ITIH6: variants seen among roughly 807,000 people sequenced by gnomAD.
ITIH6 encodes the protein inter-alpha-trypsin inhibitor heavy chain family member 6, also known as inter-alpha-trypsin inhibitor heavy chain H6.
Under a neutral mutation model 58.2 loss-of-function variants are expected in ITIH6, and 60 were observed. The ratio of observed to expected loss-of-function variants is 1.03; its 90% CI spans 0.84 to 1.28. The LOEUF (loss-of-function observed/expected upper bound fraction) is 1.28. Ranked by LOEUF, ITIH6 falls within the 50% of genes most tolerant of loss-of-function variation. ITIH6 has a pLI of 0.00. For missense variants in ITIH6, 1,290 were observed against 1,021.1 expected (o/e 1.26, Z -3.59); for synonymous variants, 493 against 417.4 (o/e 1.18, Z -2.21).
intron 6 of ITIH6, among the ~76,000 whole-genome samples, chrX:54,764,677 G>T (rs2147606518): frequency 1.1e-5 from 1 of 94,900 alleles, no homozygotes; most frequent in African/African-American, 3.9e-5. Context: ...CATTTGGGTT[G>T]GTTCCAAGTC....
rs760704628 is a variant in ITIH6 at position 54,753,499 on chromosome X, T to A, written c.3352+152A>T. ...GTGTTTGAGTGTATTCATGTGTGTT[T>A]TTTTGTGTGTCTTGGTGTGTTCTTG... On this transcript the variant is annotated intron_variant, in intron 11 of 12. Coordinates refer to ENST00000218436, the MANE Select transcript of ITIH6 (RefSeq NM_198510.3). 291 of 426,156 alleles carry A rather than the reference T, an allele frequency of 6.8e-4. 2 individuals are homozygous for A. The East Asian group carries it at 0.011, about 16-fold the overall frequency. 35.1% of individuals were successfully genotyped at this position (426,156 alleles called of 1,213,427 possible).
intron 6 of ITIH6, among the ~76,000 whole-genome samples, chrX:54,765,343 T>C (rs1313351404): frequency 1.4e-5 from 1 of 72,316 alleles, no homozygotes; most frequent in African/African-American, 5.3e-5. Flanking sequence ...CCCACGCCTA[T>C]GTCCTGAATG....
chrX:54,780,595 C>A (rs967396513), intron 5 of ITIH6, among the ~76,000 whole-genome samples: 4 of 111,366 alleles, frequency 3.6e-5, no homozygotes, highest in Non-Finnish European at 7.6e-5. Flanking sequence ...CATAATGATG[C>A]ATCTTAAGGA....
chrX:54,790,737 C>G lies in ITIH6; in HGVS notation c.616+100G>C, dbSNP rs17002372. 0.016 allele frequency: 16,132 copies of G among 1,039,853 alleles called. 1,487 individuals are homozygous for G. In the African/African-American group the frequency reaches 0.26, roughly 17 times the overall value. 85.7% of individuals were successfully genotyped at this position (1,039,853 alleles called of 1,213,427 possible). A position where few individuals can be genotyped will look rare whatever the true frequency, so the allele number is the denominator to read the frequency against. ...TCAGGAAGGAACTTGGCAGTGAGTA[C>G]AGAGCAGAAGTGGCACTAGAGGGAA... is the stretch of plus-strand genomic sequence containing the variant. On this transcript the variant is annotated intron_variant, in intron 4 of 12. Transcript: ENST00000218436.
intron 12 of ITIH6, among the ~76,000 whole-genome samples, chrX:54,750,638 C>T (rs745975872): frequency 1.5e-4 from 17 of 111,766 alleles, no homozygotes; most frequent in African/African-American, 5.5e-4. Context: ...TGGCATTCAA[C>T]TCTGACCACT....
chrX:54,758,768 T>C lies in ITIH6; in HGVS notation c.1306A>G (p.Thr436Ala), dbSNP rs1928570121. The C allele has an allele frequency of 8.3e-7, 1 of 1,209,830 alleles. No individual in the cohort carries two copies. The highest frequency in any genetic ancestry group is 1.7e-5 in the African/African-American group (1 of 57,582). The change falls in exon 8 of 13, where the codon ACA (threonine) becomes GCA (alanine). Residue 436 changes from threonine to alanine, a missense_variant. Transcript: ENST00000218436. ...SLAFGDDADF[T>A]LLRRLSLENR... ...TCCAGGGACAGGCGGCGCAGCAGTG[T>C]AAAGTCAGCATCATCCCCAAAGGCC...
chrX:54,790,692 C>A (rs189332548), intron 4 of ITIH6, 145 bp downstream of exon 4: 1 of 742,937 alleles, frequency 1.3e-6, no homozygotes, highest in African/African-American at 2.1e-5. Flanking sequence ...CACCTTCAAA[C>A]ATGCCCTCTT....
At chrX:54,771,161 T>C (rs1010653681) in intron 6 of ITIH6, among the ~76,000 whole-genome samples, 1 of 111,952 alleles carries the variant, frequency 8.9e-6, no homozygotes, top group Non-Finnish European at 1.9e-5. Context: ...TGCCTAGGTG[T>C]AGATTGTTTA....
At chrX:54,786,483 T>C (rs999958076) in intron 5 of ITIH6, among the ~76,000 whole-genome samples, 3 of 111,801 alleles carry the variant, frequency 2.7e-5, no homozygotes, top group Non-Finnish European at 5.6e-5. Flanking sequence ...CAGCCTTCTA[T>C]GTGGCTCTTT....
In ITIH6 at chrX:54,758,336, G is replaced by A. The variant is rs773964724; in HGVS notation, c.1738C>T (p.Arg580Cys). The change falls in exon 8 of 13, where the codon CGT (arginine) becomes TGT (cysteine). Residue 580 changes from arginine (R) to cysteine (C), a missense_variant. Physicochemically the swap from Arg to Cys is radical, Grantham distance 180. Coordinates refer to ENST00000218436, the MANE Select transcript of ITIH6 (RefSeq NM_198510.3). Reference sequence around the variant, plus strand: ...AGCAGGTGGCGAGTGGTGGTGTCACGAGCTTGGAAGTGTGCATCCAGCAGT... The same window carrying A: ...AGCAGGTGGCGAGTGGTGGTGTCACAAGCTTGGAAGTGTGCATCCAGCAGT... ...GELLDAHFQA[R>C]DTTTRHLLAA... 16 of 1,210,386 alleles carry A rather than the reference G, an allele frequency of 1.3e-5. No homozygotes were observed. In the Admixed American group the frequency reaches 1.5e-4, roughly 12 times the overall value.
At chrX:54,780,908 AAGAGGCT>A (rs1433258005) in intron 5 of ITIH6, among the ~76,000 whole-genome samples, 2 of 111,194 alleles carry the variant, frequency 1.8e-5, no homozygotes, top group Non-Finnish European at 3.8e-5. Flanking sequence ...GAAAATCTAG[AAGAGGCT>A]AGAGAACCCA....
At chrX:54,771,282 C>T (rs959267374) in intron 6 of ITIH6, among the ~76,000 whole-genome samples, 17 of 111,545 alleles carry the variant, frequency 1.5e-4, no homozygotes, top group African/African-American at 5.5e-4. Context: ...TCTTCTGTTC[C>T]TTTCTCTCTT....
Position 54,795,804 on chromosome X carries a change from C to A in ITIH6, c.257+1138G>T, listed in dbSNP as rs187354400. ...CTTCTGGTCCACCTCACCATTCCAA[C>A]CATTCCACATTCAGACTTCAGTTTT... On this transcript the variant is annotated intron_variant, in intron 2 of 12. Transcript: ENST00000218436. Among the ~76,000 whole-genome samples, 12 of 111,498 alleles carry A rather than the reference C, an allele frequency of 1.1e-4. No individual in the cohort carries two copies. In the East Asian group the frequency reaches 1.7e-3, roughly 16 times the overall value.
chrX:54,777,745 C>T (rs1385322328), intron 5 of ITIH6, among the ~76,000 whole-genome samples: 4 of 112,540 alleles, frequency 3.6e-5, no homozygotes, highest in Admixed American at 1.9e-4. Context: ...CACAGCATTA[C>T]GAGGCTTGGG....
chrX:54,757,125 G>A lies in ITIH6; in HGVS notation c.2949C>T (p.Asn983=). The A allele has an allele frequency of 3.3e-6, 4 of 1,211,767 alleles. No homozygotes were observed. The highest frequency in any genetic ancestry group is 1.8e-5 in the South Asian group (1 of 56,951). ...SRPTPEGSPP[N]LPILLPSSIL... ...TGCTAGAAGGCAGCAAGATTGGCAGGTTTGGAGGGCTGCCTTCTGGTGTAG... is the reference window on the plus strand; with the variant it reads ...TGCTAGAAGGCAGCAAGATTGGCAGATTTGGAGGGCTGCCTTCTGGTGTAG... The change falls in exon 8 of 13, where the codon AAC becomes AAT. Residue 983 remains asparagine, a synonymous_variant. Coordinates refer to ENST00000218436, the MANE Select transcript of ITIH6 (RefSeq NM_198510.3).
At chrX:54,770,581 A>G (rs191977466) in intron 6 of ITIH6, among the ~76,000 whole-genome samples, 1 of 112,513 alleles carries the variant, frequency 8.9e-6, no homozygotes, top group Non-Finnish European at 1.9e-5. Flanking sequence ...ATCCACTTTC[A>G]AATAACACTA....
In ITIH6 at chrX:54,765,626, T is replaced by G. The variant is rs772721692; in HGVS notation, c.904-5699A>C. 6.1e-5 allele frequency among the ~76,000 whole-genome samples: 6 copies of G among 99,018 alleles called. No individual in the cohort carries two copies. The East Asian group carries it at 2.0e-3, about 32-fold the overall frequency. The allele number at this position is 99,018 out of a possible 115,157, so 86.0% of individuals were successfully genotyped here. ...TTTTTTTTTTTTTTGAGACGGAGTC[T>G]CGCTCTGTTGCCCAGGCCAGACTGC... On this transcript the variant is annotated intron_variant, in intron 6 of 12. Coordinates refer to ENST00000218436, the MANE Select transcript of ITIH6 (RefSeq NM_198510.3).
Position 54,774,140 on chromosome X carries a change from T to C in ITIH6, c.844A>G (p.Lys282Glu), listed in dbSNP as rs368174599. The change falls in exon 6 of 13, where the codon AAG (lysine) becomes GAG (glutamate). Residue 282 changes from lysine to glutamate, a missense_variant. Coordinates refer to ENST00000218436, the MANE Select transcript of ITIH6 (RefSeq NM_198510.3). Reference sequence around the variant, plus strand: ...ACGTCAATAACAAAAACCACATTCTTCTCCATAGGTGGAAGGCCTCTGGGG... The same window carrying C: ...ACGTCAATAACAAAAACCACATTCTCCTCCATAGGTGGAAGGCCTCTGGGG... ...FAPRGLPPME[K>E]NVVFVIDVSS... is the part of the protein sequence containing the mutation. 2 of 1,190,891 alleles carry C rather than the reference T, an allele frequency of 1.7e-6. No homozygotes were observed. The highest frequency in any genetic ancestry group is 2.3e-6 in the Non-Finnish European group (2 of 883,622).
At chrX:54,755,187 C>CAGTGAGGG in intron 8 of ITIH6, 78 bp from the exon 9 acceptor site, 2 of 875,831 alleles carry the variant, frequency 2.3e-6, no homozygotes, top group Non-Finnish European at 3.3e-6. Context: ...CAAGGAGAGC[C>CAGTGAGGG]CTCACTGGCT....
Sources: gnomAD v4.1 joint callset for allele counts (sites outside exome capture counted in the v4.1 genomes callset) on GRCh38, gnomAD v4.1.1 for gene constraint, MANE v1.5 for transcripts, NCBI Gene and HGNC (gene_info 2026-07-23, HGNC 2026-07-21) for gene names.